Variants in DPH6 observed in about 807,000 individuals in gnomAD.
The protein encoded by DPH6 is diphthamine biosynthesis 6.
Under a neutral mutation model 38.2 loss-of-function variants are expected in DPH6, and 33 were observed. The ratio of observed to expected loss-of-function variants is 0.86; its 90% CI spans 0.65 to 1.15. The LOEUF is 1.15. DPH6 is among the 50% of genes most tolerant of loss of function. The pLI, the probability that DPH6 is intolerant of heterozygous loss-of-function variation, is 0.00. For missense variants in DPH6, 325 were observed against 320.0 expected (o/e 1.02, Z -0.12); for synonymous variants, 108 against 103.0 (o/e 1.05, Z -0.30).
chr15:35,469,993 T>C (rs1390072997), intron 3 of DPH6, among the ~76,000 whole-genome samples: 1 of 150,874 alleles, frequency 6.6e-6, no homozygotes, highest in Admixed American at 6.6e-5. Flanking sequence ...AGGTCAGGAG[T>C]TTGAGACCAG....
intron 5 of DPH6, among the ~76,000 whole-genome samples, chr15:35,428,517 G>C (rs994846370): frequency 2.0e-5 from 3 of 152,006 alleles, no homozygotes; most frequent in Non-Finnish European, 2.9e-5. Flanking sequence ...AAAAAACAAG[G>C]GACATGCAGT....
intron 5 of DPH6, among the ~76,000 whole-genome samples, chr15:35,426,802 G>A (rs1384825740): frequency 6.6e-6 from 1 of 151,172 alleles, no homozygotes; most frequent in African/African-American, 2.4e-5. Flanking sequence ...AAGGACACTG[G>A]CCATGAGAGA....
chr15:35,245,127 A>G (rs1566848873), intron 3 of DPH6, among the ~76,000 whole-genome samples: 1 of 152,186 alleles, frequency 6.6e-6, no homozygotes, highest in Non-Finnish European at 1.5e-5. Flanking sequence ...AATTTATACA[A>G]GAATCTATCA....
chr15:35,265,774 A>G (rs895218761), intron 3 of DPH6, among the ~76,000 whole-genome samples: 9 of 152,212 alleles, frequency 5.9e-5, no homozygotes, highest in African/African-American at 2.2e-4. Context: ...TGCAAAAAAC[A>G]TGTTTTAAAA....
exon 4 of DPH6, chr15:35,219,914 G>A (rs894544326): frequency 5.3e-5 from 8 of 152,274 alleles, no homozygotes; most frequent in African/African-American, 1.7e-4. Context: ...AGTAATTCAA[G>A]TAGTTAAATC....
intron 3 of DPH6, among the ~76,000 whole-genome samples, chr15:35,509,964 C>A (rs991025294): frequency 1.3e-5 from 2 of 152,142 alleles, no homozygotes; most frequent in African/African-American, 4.8e-5. Flanking sequence ...CCCTATTGTC[C>A]CAGCACTTTG....
the DPH6 span, among the ~76,000 whole-genome samples, chr15:35,154,486 T>C: frequency 1.3e-5 from 2 of 152,192 alleles, no homozygotes; most frequent in East Asian, 1.9e-4. Flanking sequence ...TGGCATGTAA[T>C]AGGGCCTCAA....
chr15:35,420,248 CA>C (rs891753894), intron 5 of DPH6, among the ~76,000 whole-genome samples: 3 of 151,350 alleles, frequency 2.0e-5, no homozygotes, highest in African/African-American at 4.8e-5. Flanking sequence ...CATCTTGAGA[CA>C]AAAAAAATGC....
chr15:35,352,364 T>C (rs1443288460), intron 3 of DPH6, among the ~76,000 whole-genome samples: 1 of 152,198 alleles, frequency 6.6e-6, no homozygotes, highest in African/African-American at 2.4e-5. Flanking sequence ...TGTGCCATGT[T>C]GGTGTGCTGC....
At chr15:35,161,157 C>T in the DPH6 span, among the ~76,000 whole-genome samples, 2 of 151,130 alleles carry the variant, frequency 1.3e-5, no homozygotes, top group Non-Finnish European at 2.9e-5. Context: ...AAAAAAAACA[C>T]AAAACAAAAC....
rs534757672 is a variant in DPH6 at position 35,303,706 on chromosome 15, A to G, written n.200+69815T>C. 9.2e-3 allele frequency among the ~76,000 whole-genome samples: 1,392 copies of G among 150,672 alleles called. 10 individuals are homozygous for G. The highest frequency in any genetic ancestry group is 0.015 in the Non-Finnish European group (1,022 of 67,542). The stretch of plus-strand genomic sequence containing the variant: ...TTAGCTCTGGAGTTAAAAAAAAAAA[A>G]GGGGGAGGAGAGGTTAGTGTCTATT... On this transcript the variant is annotated intron_variant and non_coding_transcript_variant, in intron 3 of 3. Coordinates refer to the DPH6 transcript ENST00000560386.
At chr15:35,287,589 T>G (rs1265691882) in intron 3 of DPH6, among the ~76,000 whole-genome samples, 1 of 152,192 alleles carries the variant, frequency 6.6e-6, no homozygotes, top group Non-Finnish European at 1.5e-5. Flanking sequence ...AAAACCTAAT[T>G]CTACAATTAT....
At chr15:35,505,312 C>T (rs2054679938) in intron 3 of DPH6, among the ~76,000 whole-genome samples, 1 of 151,930 alleles carries the variant, frequency 6.6e-6, no homozygotes, top group South Asian at 2.1e-4. Flanking sequence ...ATGGTTGTTT[C>T]CTTTGCAGGC....
chr15:35,329,303 G>A (rs944785812), downstream of DPH6, among the ~76,000 whole-genome samples: 3 of 152,114 alleles, frequency 2.0e-5, no homozygotes, highest in Admixed American at 6.5e-5. Flanking sequence ...GCATTTGTGT[G>A]TATATAGAAT....
intron 3 of DPH6, among the ~76,000 whole-genome samples, chr15:35,322,601 T>C (rs2052250107): frequency 6.6e-6 from 1 of 152,206 alleles, no homozygotes; most frequent in African/African-American, 2.4e-5. Flanking sequence ...TCTTTTTTCT[T>C]TGGAGTTGGA....
chr15:35,317,290 A>AGG (rs370235354), intron 3 of DPH6, among the ~76,000 whole-genome samples: 1 of 151,230 alleles, frequency 6.6e-6, no homozygotes, highest in Non-Finnish European at 1.5e-5. Flanking sequence ...AGAGAGAGAG[A>AGG]AAGAAAGAAG....
At chr15:35,528,401 G>A (rs1206163909) in intron 3 of DPH6, among the ~76,000 whole-genome samples, 2 of 151,828 alleles carry the variant, frequency 1.3e-5, no homozygotes, top group African/African-American at 2.4e-5. Flanking sequence ...TACCAATATC[G>A]CTCAGTAAAA....
chr15:35,385,338 G>C (rs565195583), intron 6 of DPH6, among the ~76,000 whole-genome samples: 1 of 152,028 alleles, frequency 6.6e-6, no homozygotes, highest in Admixed American at 6.6e-5. Flanking sequence ...CTGCAGCACG[G>C]TCACAATAGC....
rs556555724 is a variant in DPH6, at chr15:35,236,491, T to C, written n.201-15909A>G. On this transcript the variant is annotated intron_variant and non_coding_transcript_variant, in intron 3 of 3. Coordinates refer to the DPH6 transcript ENST00000560386. ...GTCTCTACTAAAAATACAAAAAAATTAGCCGGGCGTGTTGGCGGGCGCCTG... is the reference window on the plus strand; with the variant it reads ...GTCTCTACTAAAAATACAAAAAAATCAGCCGGGCGTGTTGGCGGGCGCCTG... 1.7e-4 allele frequency among the ~76,000 whole-genome samples: 26 copies of C among 152,044 alleles called. 2 individuals carry two copies. The South Asian group carries it at 5.4e-3, about 32-fold the overall frequency.
Sources: gnomAD v4.1 joint callset for allele counts (sites outside exome capture counted in the v4.1 genomes callset) on GRCh38, gnomAD v4.1.1 for gene constraint, MANE v1.5 for transcripts, NCBI Gene and HGNC (gene_info 2026-07-23, HGNC 2026-07-21) for gene names.